The following CDON variants were observed in gnomAD, a reference collection of about 807,000 sequenced individuals.
The protein encoded by CDON is cell adhesion associated, oncogene regulated, also known as cell adhesion molecule-related/down-regulated by oncogenes.
A neutral mutation model predicts 120.9 loss-of-function variants in CDON; 73 were observed. The observed-to-expected ratio is 0.60, with a 90% confidence interval of 0.50 to 0.73. CDON has a LOEUF of 0.73. Ranked by LOEUF, CDON falls within the 30% of genes least tolerant of loss-of-function variation. The probability of loss-of-function intolerance (pLI) is 0.00; values close to 1 mark genes in which losing one functional copy is unlikely to be tolerated. For missense variants in CDON, 1,470 were observed against 1,587.3 expected, an observed-to-expected ratio of 0.93 and a Z score of 1.26; for synonymous variants, 566 against 573.5, an observed-to-expected ratio of 0.99 and a Z score of 0.19.
In CDON at chr11:126,021,282, G is replaced by A; in HGVS notation, c.315C>T (p.Ala105=). Residue 105 remains alanine (A), a synonymous_variant, in exon 3 of 20, where the codon GCC becomes GCT. Transcript: ENST00000531738. ...ATACTGTCGCAGGGCCACTCACAAT[G>A]GCACCGATGCTATTGTTGGCAAGGC... The part of the protein sequence containing the change: ...YQCLANNSIG[A]IVSGPATVSV... The A allele has an allele frequency of 6.2e-7, 1 of 1,614,038 alleles. No individual in the cohort carries two copies. Among genetic ancestry groups the A allele is most frequent in the Admixed American group, 1.7e-5 (1 of 60,008 alleles).
chr11:126,050,406 T>TTATATGA (rs1209292102), intron 1 of CDON, among the ~76,000 whole-genome samples: 1 of 151,844 alleles, frequency 6.6e-6, no homozygotes, highest in African/African-American at 2.4e-5. Flanking sequence ...ATTAAAACTT[T>TTATATGA]TATATGATAT....
At chr11:125,974,855 A>C (rs1455120114) in intron 18 of CDON, among the ~76,000 whole-genome samples, 1 of 152,064 alleles carries the variant, frequency 6.6e-6, no homozygotes, top group Non-Finnish European at 1.5e-5. Context: ...TATTACTATG[A>C]CTACCACCCA....
intron 14 of CDON, among the ~76,000 whole-genome samples, chr11:125,993,764 G>C (rs1233518464): frequency 6.6e-6 from 1 of 152,158 alleles, no homozygotes; most frequent in Non-Finnish European, 1.5e-5. Flanking sequence ...GGGGCCTTCA[G>C]GCCATAGGCA....
upstream of CDON, among the ~76,000 whole-genome samples, chr11:126,063,008 C>T (rs1473255466): frequency 1.3e-5 from 2 of 151,826 alleles, no homozygotes; most frequent in African/African-American, 4.8e-5. Flanking sequence ...CCGTAGAGGC[C>T]GCTGTGCCCC....
At chr11:125,976,716 CA>C (rs146712698) in intron 18 of CDON, among the ~76,000 whole-genome samples, 2,961 of 152,150 alleles carry the variant, frequency 0.019, 91 homozygotes, top group African/African-American at 0.066. Context: ...AAATGGGATG[CA>C]TTCTTGATAT....
At chr11:126,007,182 C>G (rs1316723486) in intron 8 of CDON, among the ~76,000 whole-genome samples, 1 of 152,092 alleles carries the variant, frequency 6.6e-6, no homozygotes, top group Admixed American at 6.5e-5. Context: ...ACTTTTATGT[C>G]CAAAATGAAG....
chr11:125,965,197 C>T (rs115915912), intron 18 of CDON, among the ~76,000 whole-genome samples: 3,899 of 152,274 alleles, frequency 0.026, 163 homozygotes, highest in African/African-American at 0.087. Context: ...TCCCAAAGTG[C>T]TAGGATTACG....
At chr11:126,040,879 T>C (rs570308817) in intron 1 of CDON, among the ~76,000 whole-genome samples, 4 of 121,912 alleles carry the variant, frequency 3.3e-5, no homozygotes, top group East Asian at 2.5e-4. Context: ...ACCAAGAGCA[T>C]GGTGCAGCGC....
At position 126,017,106 on chromosome 11, in the gene CDON, A is replaced by C; in HGVS notation, c.910T>G (p.Tyr304Asp). ...ATCTTACCAAGTACATTAACCATGT[A>C]AGTCACATATTTTACATCTCCAGAC... Reference protein sequence around the residue: ...NKSGDVKYVTYMVNVLEHASI... With the variant: ...NKSGDVKYVTDMVNVLEHASI... The change falls in exon 6 of 20, where the codon TAC (tyrosine) becomes GAC (aspartate). Residue 304 changes from tyrosine to aspartate, a missense_variant. Tyr to Asp is a radical substitution (Grantham distance 160). Transcript: ENST00000531738. The C allele has an allele frequency of 6.2e-7, 1 of 1,614,158 alleles. No individual in the cohort carries two copies. The highest frequency in any genetic ancestry group is 8.5e-7 in the Non-Finnish European group (1 of 1,179,980).
chr11:125,996,795 T>C (rs1946800063), intron 12 of CDON, among the ~76,000 whole-genome samples: 2 of 151,610 alleles, frequency 1.3e-5, no homozygotes, highest in African/African-American at 4.8e-5. Context: ...TGACTTATTC[T>C]CTTCTTTATA....
At chr11:125,994,482 T>C in intron 13 of CDON, 93 bp from the exon 14 acceptor site, 1 of 767,744 alleles carries the variant, frequency 1.3e-6, no homozygotes, top group Non-Finnish European at 2.3e-6. Context: ...CACATTTTTC[T>C]AGGTTCATTT....
At chr11:126,015,073 T>G in intron 7 of CDON, 168 bp downstream of exon 7, 1 of 686,464 alleles carries the variant, frequency 1.5e-6, no homozygotes, top group South Asian at 1.7e-5. Flanking sequence ...AGATTACTTC[T>G]TCATGGAAAT....
intron 18 of CDON, among the ~76,000 whole-genome samples, chr11:125,973,018 C>CTTTTTTT (rs35828939): frequency 1.4e-4 from 12 of 87,070 alleles, no homozygotes; most frequent in Admixed American, 2.8e-4. Flanking sequence ...ATTACTTGGT[C>CTTTTTTT]TTTTTTTTTT....
intron 15 of CDON, 106 bp downstream of exon 15, chr11:125,989,531 G>T: frequency 1.8e-6 from 2 of 1,103,422 alleles, no homozygotes; most frequent in Non-Finnish European, 1.4e-6. Flanking sequence ...GTGAGACCGT[G>T]TCTCAAAACA....
intron 1 of CDON, among the ~76,000 whole-genome samples, chr11:126,030,434 G>A (rs1397524347): frequency 6.6e-6 from 1 of 152,070 alleles, no homozygotes; most frequent in African/African-American, 2.4e-5. Context: ...AAACTTTCTT[G>A]TAGTTTTCTT....
chr11:126,044,561 A>G (rs1948353792), intron 1 of CDON, among the ~76,000 whole-genome samples: 1 of 152,254 alleles, frequency 6.6e-6, no homozygotes. Flanking sequence ...TCAGCCATAA[A>G]AAGAATGAAA....
intron 1 of CDON, among the ~76,000 whole-genome samples, chr11:126,028,020 T>C (rs3133190): frequency 6.6e-6 from 1 of 151,546 alleles, no homozygotes; most frequent in Non-Finnish European, 1.5e-5. Flanking sequence ...TGAATTTTTT[T>C]AAAGCACTCT....
At chr11:125,964,576 T>C (rs574809973) in intron 18 of CDON, among the ~76,000 whole-genome samples, 1 of 151,784 alleles carries the variant, frequency 6.6e-6, no homozygotes, top group East Asian at 1.9e-4. Flanking sequence ...AAAGCAGAGT[T>C]CCAGCTCCCA....
At chr11:125,981,963 C>CTTTTTTTTTTTTTTTTT (rs1565501813) in intron 16 of CDON, among the ~76,000 whole-genome samples, 9 of 34,154 alleles carry the variant, frequency 2.6e-4, no homozygotes, top group East Asian at 1.1e-3. Flanking sequence ...AAAAGTGATT[C>CTTTTTTTTTTTTTTTTT]TATTTTCTTT....
Sources: allele counts gnomAD v4.1 joint callset (sites outside exome capture counted in the v4.1 genomes callset), GRCh38; gene constraint gnomAD v4.1.1; transcripts MANE v1.5; gene names NCBI Gene and HGNC (gene_info 2026-07-23, HGNC 2026-07-21).